The following PCDHGA8 variants were observed in gnomAD, a reference collection of about 807,000 sequenced individuals.
The protein encoded by PCDHGA8 is protocadherin gamma-A8.
PCDHGA8 carries 45 observed loss-of-function variants against 59.2 expected under a neutral mutation model. The observed-to-expected ratio is 0.76, with a 90% CI of 0.60 to 0.98. The LOEUF (loss-of-function observed/expected upper bound fraction) is 0.98, where lower values mean the gene tolerates loss of function less well. PCDHGA8 is among the 50% of genes least tolerant of loss of function. PCDHGA8 has a pLI of 0.00. For synonymous variants in PCDHGA8, 531 were observed against 519.0 expected (o/e 1.02, Z -0.32); for missense variants, 1,257 against 1,196.2 (o/e 1.05, Z -0.75).
intron 1 of PCDHGA8, chr5:141,426,986 C>T (rs764345099): frequency 1.8e-5 from 8 of 456,618 alleles, no homozygotes; most frequent in South Asian, 7.7e-5. Flanking sequence ...CTGATGCCAA[C>T]GATAATGCCC....
intron 1 of PCDHGA8, chr5:141,415,232 C>G (rs1329834276): frequency 3.1e-6 from 5 of 1,614,076 alleles, no homozygotes; most frequent in Non-Finnish European, 4.2e-6. Flanking sequence ...GAGTCTCCAG[C>G]TAACTCTGAA....
At chr5:141,470,825 C>G (rs557419577) in intron 1 of PCDHGA8, among the ~76,000 whole-genome samples, 24 of 152,182 alleles carry the variant, frequency 1.6e-4, no homozygotes, top group African/African-American at 4.1e-4. Context: ...GTAGTTAGGA[C>G]GACAAACACA....
chr5:141,403,088 G>C (rs1561685667), intron 1 of PCDHGA8: 2 of 1,614,030 alleles, frequency 1.2e-6, no homozygotes, highest in Non-Finnish European at 1.7e-6. Context: ...CTATATTGTG[G>C]GCAACATCTC....
intron 1 of PCDHGA8, chr5:141,428,173 CGGA>C (rs770477048): frequency 1.3e-6 from 2 of 1,514,730 alleles, no homozygotes. Context: ...CTGTGCGTGA[CGGA>C]GGACAGCCGC....
chr5:141,407,704 T>C (rs977444941), intron 1 of PCDHGA8, among the ~76,000 whole-genome samples: 5 of 152,144 alleles, frequency 3.3e-5, no homozygotes, highest in Admixed American at 1.3e-4. Context: ...TTGTTGAAGG[T>C]GGGGTGATGG....
At chr5:141,422,038 G>A (rs949164524) in intron 1 of PCDHGA8, 9 of 1,611,746 alleles carry the variant, frequency 5.6e-6, no homozygotes, top group Non-Finnish European at 7.6e-6. Context: ...AACGGATCCA[G>A]ACGAGGGAAT....
rs2099735810 is a variant in PCDHGA8 at position 141,491,979 on chromosome 5, G to A, written c.2425-2828G>A. On this transcript the variant is annotated intron_variant, in intron 1 of 3. Transcript: ENST00000398604. This position sits in a 1 kb window ranked among gnomAD's most constrained non-coding sequence, Gnocchi z 6.9. ...CAAAAAAGGCCGGGGCCTCCTTCGA[G>A]CTTCCGGTGAATTTCGGGCGATTTC... 6.4e-6 allele frequency: 5 copies of A among 787,296 alleles called. No homozygotes were observed. Among genetic ancestry groups the A allele is most frequent in the Non-Finnish European group, 9.4e-6 (5 of 533,208 alleles). 48.8% of individuals were successfully genotyped at this position (787,296 alleles called of 1,614,324 possible).
rs145718404 is a variant in PCDHGA8 at position 141,404,928 on chromosome 5, C to T, written c.2424+9691C>T. On this transcript the variant is annotated intron_variant, in intron 1 of 3. Transcript: ENST00000398604. ...CAGCCCCCTCTCTCGGCCACTGTCA[C>T]GCTCACAGTAGCCATAGCTGACAGC... The T allele has an allele frequency of 1.6e-4, 263 of 1,613,866 alleles. 1 individual carries two copies. In the African/African-American group the frequency reaches 2.2e-3, roughly 13 times the overall value.
chr5:141,408,463 G>T, intron 1 of PCDHGA8: 1 of 1,614,014 alleles, frequency 6.2e-7, no homozygotes, highest in Non-Finnish European at 8.5e-7. Context: ...TACTTGTGAA[G>T]AACCGAATAG....
chr5:141,505,832 T>G (rs1006398435), intron 3 of PCDHGA8, among the ~76,000 whole-genome samples: 1 of 152,188 alleles, frequency 6.6e-6, no homozygotes, highest in African/African-American at 2.4e-5. Flanking sequence ...AAACCTCAGT[T>G]TCCTCAGCCT....
At chr5:141,470,025 A>T (rs2099219670) in intron 1 of PCDHGA8, among the ~76,000 whole-genome samples, 1 of 152,156 alleles carries the variant, frequency 6.6e-6, no homozygotes, top group African/African-American at 2.4e-5. Context: ...GCTACTCGGG[A>T]TGCTGAGGCG....
chr5:141,421,424 G>T lies in PCDHGA8; in HGVS notation c.2424+26187G>T, dbSNP rs369037131. 2.2e-5 allele frequency: 35 copies of T among 1,613,974 alleles called. No individual in the cohort carries two copies. The African/African-American group carries it at 3.9e-4, about 18-fold the overall frequency. ...CGGGAGCTGGCGAAGCGCGGAGTCC[G>T]CATCGTCTCCAGAGGGAAGACACAG... is the stretch of plus-strand genomic sequence containing the variant. On this transcript the variant is annotated intron_variant, in intron 1 of 3. Transcript: ENST00000398604.
At chr5:141,455,903 ATTTATTT>A (rs2098836354) in intron 1 of PCDHGA8, among the ~76,000 whole-genome samples, 1 of 145,228 alleles carries the variant, frequency 6.9e-6, no homozygotes, top group African/African-American at 2.7e-5. Context: ...TTATTTATTT[ATTTATTT>A]ATTTTGAGAC....
At chr5:141,423,173 A>T (rs2096717258) in intron 1 of PCDHGA8, 1 of 1,613,330 alleles carries the variant, frequency 6.2e-7, no homozygotes, top group South Asian at 1.1e-5. Flanking sequence ...GCCGTCCAGG[A>T]CCACGGCCAG....
At chr5:141,419,024 G>A (rs1423033793) in intron 1 of PCDHGA8, 2 of 1,613,874 alleles carry the variant, frequency 1.2e-6, no homozygotes, top group Admixed American at 1.7e-5. Flanking sequence ...CTTAAGTAGA[G>A]GTGTTCCATT....
intron 1 of PCDHGA8, chr5:141,413,170 A>T (rs751830095): frequency 6.3e-7 from 1 of 1,595,602 alleles, no homozygotes; most frequent in South Asian, 1.1e-5. Context: ...CTGTAACCAG[A>T]CTACAATGGC....
At chr5:141,441,298 T>C (rs1289976355) in intron 1 of PCDHGA8, 1 of 152,150 alleles carries the variant, frequency 6.6e-6, no homozygotes, top group Non-Finnish European at 1.5e-5. Flanking sequence ...ATGTCTGATA[T>C]AAGAAAATGC....
chr5:141,405,390 T>C (rs1561700240), intron 1 of PCDHGA8: 1 of 1,600,118 alleles, frequency 6.2e-7, no homozygotes, highest in South Asian at 1.1e-5. Context: ...AGTTCATTTT[T>C]TTTCTTTCTT....
chr5:141,494,985 C>A, intron 2 of PCDHGA8, 120 bp downstream of exon 2: 1 of 1,559,680 alleles, frequency 6.4e-7, no homozygotes. Context: ...AGTTTGAGAT[C>A]CCAGGGAGGT....
Sources: gnomAD v4.1 joint callset for allele counts (sites outside exome capture counted in the v4.1 genomes callset) on GRCh38, gnomAD v4.1.1 for gene constraint, Gnocchi (gnomAD v3.1) non-coding constraint, MANE v1.5 for transcripts, NCBI Gene and HGNC (gene_info 2026-07-23, HGNC 2026-07-21) for gene names.